CPSF4: variants seen among roughly 807,000 people sequenced by gnomAD.
The protein encoded by CPSF4 is cleavage and polyadenylation specific factor 4.
In CPSF4, 11 loss-of-function variants were observed where a neutral mutation model predicts 37.7. The ratio of observed to expected loss-of-function variants is 0.29; its 90% confidence interval spans 0.18 to 0.48. The LOEUF is 0.48. Ranked by LOEUF, CPSF4 falls within the 20% of genes least tolerant of loss-of-function variation. The probability of loss-of-function intolerance (pLI) is 0.99; values close to 1 mark genes in which losing one functional copy is unlikely to be tolerated. For synonymous variants in CPSF4, 132 were observed against 135.9 expected, an observed-to-expected ratio of 0.97 and a Z score of 0.20; for missense variants, 144 against 359.5, an observed-to-expected ratio of 0.40 and a Z score of 4.85.
chr7:99,456,210 C>T (rs140830351), intron 7 of CPSF4, among the ~76,000 whole-genome samples: 2 of 152,356 alleles, frequency 1.3e-5, no homozygotes, highest in East Asian at 3.9e-4. Context: ...CTTGCATCTG[C>T]GGAGTTGCTG....
At chr7:99,449,684 G>A (rs1270305222) in intron 3 of CPSF4, among the ~76,000 whole-genome samples, 3 of 152,300 alleles carry the variant, frequency 2.0e-5, no homozygotes, top group East Asian at 1.9e-4. Flanking sequence ...GCCATGAGAC[G>A]AACAGAGAAG....
In CPSF4 at chr7:99,448,614, G is replaced by A. The variant is rs1397145542; in HGVS notation, c.307+341G>A. 1 of 209,234 alleles carries A rather than the reference G, an allele frequency of 4.8e-6. No individual in the cohort carries two copies. The highest frequency in any genetic ancestry group is 9.6e-6 in the Non-Finnish European group (1 of 103,640). The allele number at this position is 209,234 out of a possible 1,614,324, so 13.0% of individuals were successfully genotyped here. A position where few individuals can be genotyped will look rare whatever the true frequency, so the allele number is the denominator to read the frequency against. On this transcript the variant is annotated intron_variant, in intron 3 of 7. Coordinates refer to ENST00000292476, the MANE Select transcript of CPSF4 (RefSeq NM_006693.4). The surrounding 1 kb of genome is among the most constrained non-coding windows in gnomAD (Gnocchi z 4.4). Reference sequence around the variant, plus strand: ...CACGCCTGGCCCCGCGCATCACTTTGGAGTGCTTCAGTGTTTGGAGCTCTT... The same window carrying A: ...CACGCCTGGCCCCGCGCATCACTTTAGAGTGCTTCAGTGTTTGGAGCTCTT...
intron 7 of CPSF4, among the ~76,000 whole-genome samples, chr7:99,455,902 C>T (rs1798274087): frequency 6.6e-6 from 1 of 152,236 alleles, no homozygotes; most frequent in African/African-American, 2.4e-5. Flanking sequence ...GTACAGCCCA[C>T]CCTCTGTCCC....
At position 99,454,147 on chromosome 7, in the gene CPSF4, G is replaced by A; in HGVS notation, c.741+11G>A. 5 of 1,610,218 alleles carry A rather than the reference G, an allele frequency of 3.1e-6. No individual in the cohort carries two copies. The highest frequency in any genetic ancestry group is 1.7e-4 in the Middle Eastern group (1 of 6,044). On this transcript the variant is annotated intron_variant, in intron 7 of 7. Coordinates refer to ENST00000292476, the MANE Select transcript of CPSF4 (RefSeq NM_006693.4). ...GTCACCTGTTACAAGGTGAGTCCCTGGGCTGGGGGACAGGGTGGGGTCTTC... is the reference window on the plus strand; with the variant it reads ...GTCACCTGTTACAAGGTGAGTCCCTAGGCTGGGGGACAGGGTGGGGTCTTC...
chr7:99,454,179 C>A (rs370277726), intron 7 of CPSF4, 43 bp downstream of exon 7: 3 of 1,530,770 alleles, frequency 2.0e-6, no homozygotes, highest in Non-Finnish European at 2.7e-6. Flanking sequence ...CTTCCCTTAC[C>A]GTCAGTGGCC....
chr7:99,455,789 C>A (rs45458593), intron 7 of CPSF4, among the ~76,000 whole-genome samples: 5 of 152,202 alleles, frequency 3.3e-5, no homozygotes, highest in African/African-American at 1.2e-4. Flanking sequence ...TCTGCAGGCT[C>A]CCCTTACCCA....
At chr7:99,444,189 C>T (rs2150986998) in intron 1 of CPSF4, among the ~76,000 whole-genome samples, 1 of 152,112 alleles carries the variant, frequency 6.6e-6, no homozygotes, top group South Asian at 2.1e-4. Context: ...GGCACTTTGG[C>T]TCAACGCCTG....
At chr7:99,447,403 G>A (rs1797607248) in intron 2 of CPSF4, among the ~76,000 whole-genome samples, 1 of 150,916 alleles carries the variant, frequency 6.6e-6, no homozygotes, top group African/African-American at 2.4e-5. Context: ...CAAGTAGCTG[G>A]GATTACAGGC....
chr7:99,439,424 A>C, intron 1 of CPSF4: 1 of 430,592 alleles, frequency 2.3e-6, no homozygotes, highest in Non-Finnish European at 4.1e-6. Flanking sequence ...TGGTCCCGAG[A>C]CTCTTCCCAC....
At chr7:99,442,715 A>G (rs979794345) in intron 1 of CPSF4, among the ~76,000 whole-genome samples, 1 of 152,034 alleles carries the variant, frequency 6.6e-6, no homozygotes, top group Non-Finnish European at 1.5e-5. Flanking sequence ...AAACACAACA[A>G]CCTTAAAGCT....
At chr7:99,447,346 G>A (rs762511441) in intron 2 of CPSF4, among the ~76,000 whole-genome samples, 13 of 147,090 alleles carry the variant, frequency 8.8e-5, no homozygotes, top group Non-Finnish European at 1.2e-4. Context: ...TCCGGTCACT[G>A]CAACCTCCGC....
intron 1 of CPSF4, chr7:99,441,386 A>G (rs1584482736): frequency 4.4e-6 from 2 of 456,034 alleles, no homozygotes; most frequent in South Asian, 1.5e-5. Context: ...AGGGGCCCAC[A>G]TACCTGTTCC....
rs1458787631 is a variant in CPSF4, at chr7:99,448,480, T to TA, written c.307+210dup. 7 of 461,396 alleles carry TA rather than the reference T, an allele frequency of 1.5e-5. No individual in the cohort carries two copies. The highest frequency in any genetic ancestry group is 5.0e-5 in the South Asian group (2 of 39,646). The allele number at this position is 461,396 out of a possible 1,614,324, so 28.6% of individuals were successfully genotyped here. A position where few individuals can be genotyped will look rare whatever the true frequency, so the allele number is the denominator to read the frequency against. On this transcript the variant is annotated intron_variant, in intron 3 of 7. Transcript: ENST00000292476. This position sits in a 1 kb window ranked among gnomAD's most constrained non-coding sequence, Gnocchi z 4.4. Reference sequence around the variant, plus strand: ...ATCTCTTTTTTTTTTTTTTTTTTTTTAAAGACATAGGGTCTCGCTATGTTT... The same window carrying TA: ...ATCTCTTTTTTTTTTTTTTTTTTTTTAAAAGACATAGGGTCTCGCTATGTTT...
In CPSF4 at chr7:99,448,457, C is replaced by CT; in HGVS notation, c.307+185dup. The CT allele has an allele frequency of 9.0e-6, 4 of 445,706 alleles. No individual in the cohort carries two copies. The highest frequency in any genetic ancestry group is 3.1e-5 in the South Asian group (1 of 32,230). The allele number at this position is 445,706 out of a possible 1,614,324, so 27.6% of individuals were successfully genotyped here. A position where few individuals can be genotyped will look rare whatever the true frequency, so the allele number is the denominator to read the frequency against. ...GACAGTGTGGCTATTTTCTGCTCATCTCTTTTTTTTTTTTTTTTTTTTTAA... is the reference window on the plus strand; with the variant it reads ...GACAGTGTGGCTATTTTCTGCTCATCTTCTTTTTTTTTTTTTTTTTTTTTAA... On this transcript the variant is annotated intron_variant, in intron 3 of 7. Coordinates refer to ENST00000292476, the MANE Select transcript of CPSF4 (RefSeq NM_006693.4). The surrounding 1 kb of genome is among the most constrained non-coding windows in gnomAD (Gnocchi z 4.4).
intron 1 of CPSF4, chr7:99,443,121 G>T: frequency 1.2e-6 from 1 of 829,616 alleles, no homozygotes. Context: ...TGTTGGAACT[G>T]AAGAAATCCC....
chr7:99,454,548 C>T (rs1448874330), intron 7 of CPSF4, among the ~76,000 whole-genome samples: 3 of 152,148 alleles, frequency 2.0e-5, no homozygotes, highest in African/African-American at 7.2e-5. Flanking sequence ...GTCCCCATCC[C>T]CTCCCCCAGT....
At position 99,439,064 on chromosome 7, in the gene CPSF4, TG is replaced by T. The variant is rs773673068; in HGVS notation, c.-15del. 1.9e-6 allele frequency: 3 copies of T among 1,589,366 alleles called. No individual in the cohort carries two copies. Among genetic ancestry groups the T allele is most frequent in the Admixed American group, 3.4e-5 (2 of 58,298 alleles). Reference sequence around the variant, plus strand: ...GGAGACCGAGGGGGAGCCGGGCCGGTGGGGCCGCCGCCGCCGCCATGCAGGA... The same window carrying T: ...GGAGACCGAGGGGGAGCCGGGCCGGTGGGCCGCCGCCGCCGCCATGCAGGA... On this transcript the variant is annotated 5_prime_UTR_variant, in exon 1 of 8. Coordinates refer to ENST00000292476, the MANE Select transcript of CPSF4 (RefSeq NM_006693.4).
chr7:99,440,672 A>ATGTTTTTTT (rs1406517833), intron 1 of CPSF4, among the ~76,000 whole-genome samples: 7 of 81,978 alleles, frequency 8.5e-5, no homozygotes, highest in African/African-American at 8.0e-4. Flanking sequence ...ATATATATAT[A>ATGTTTTTTT]TATTTTTTTT....
rs1461513353 is a variant in CPSF4, at chr7:99,440,960, T to C, written c.103+1775T>C. Among the ~76,000 whole-genome samples, 3 of 148,596 alleles carry C rather than the reference T, an allele frequency of 2.0e-5. No individual in the cohort carries two copies. In the East Asian group the frequency reaches 5.8e-4, roughly 29 times the overall value. Reference sequence around the variant, plus strand: ...GCCTTTTCCTGTCTTTTTTTTTTTTTTTTTTTTGAGACAGAGTTTTGCTTT... The same window carrying C: ...GCCTTTTCCTGTCTTTTTTTTTTTTCTTTTTTTGAGACAGAGTTTTGCTTT... On this transcript the variant is annotated intron_variant, in intron 1 of 7. Coordinates refer to ENST00000292476, the MANE Select transcript of CPSF4 (RefSeq NM_006693.4).
Sources: gnomAD v4.1 joint callset for allele counts (sites outside exome capture counted in the v4.1 genomes callset) on GRCh38, gnomAD v4.1.1 for gene constraint, Gnocchi (gnomAD v3.1) non-coding constraint, MANE v1.5 for transcripts, NCBI Gene and HGNC (gene_info 2026-07-23, HGNC 2026-07-21) for gene names.